CD109: variants seen among roughly 807,000 people sequenced by gnomAD.
CD109 encodes the protein CD109 antigen.
CD109 carries 149 observed loss-of-function variants against 165.8 expected under a neutral mutation model. The ratio of observed to expected loss-of-function variants is 0.90; its 90% confidence interval spans 0.79 to 1.03. The LOEUF (loss-of-function observed/expected upper bound fraction) is 1.03. Ranked by LOEUF, CD109 falls within the 50% of genes least tolerant of loss-of-function variation. CD109 has a pLI of 0.00. For missense variants in CD109, 1,712 were observed against 1,677.8 expected, an observed-to-expected ratio of 1.02 and a Z score of -0.36; for synonymous variants, 585 against 592.1, an observed-to-expected ratio of 0.99 and a Z score of 0.18.
chr6:73,762,953 G>A, intron 9 of CD109, 71 bp downstream of exon 9: 2 of 1,333,612 alleles, frequency 1.5e-6, no homozygotes, highest in South Asian at 3.0e-5. Context: ...TATTATAACT[G>A]GCACTTTCAT....
At chr6:73,817,854 A>G (rs940448295) in intron 30 of CD109, among the ~76,000 whole-genome samples, 7 of 152,330 alleles carry the variant, frequency 4.6e-5, no homozygotes, top group African/African-American at 1.7e-4. Flanking sequence ...ATGTTCTTCA[A>G]GTATATGGGA....
the CD109 span, among the ~76,000 whole-genome samples, chr6:73,684,245 G>A: frequency 6.7e-6 from 1 of 148,198 alleles, no homozygotes; most frequent in Non-Finnish European, 1.5e-5. Context: ...TTTGAGACAG[G>A]GTCTTGCTCT....
Position 73,815,074 on chromosome 6 carries a change from A to G in CD109, c.3862A>G (p.Lys1288Glu), listed in dbSNP as rs756193083. 10 of 1,590,834 alleles carry G rather than the reference A, an allele frequency of 6.3e-6. No homozygotes were observed. The highest frequency in any genetic ancestry group is 7.7e-6 in the Non-Finnish European group (9 of 1,172,438). The change falls in exon 30 of 33, where the codon AAA (lysine) becomes GAA (glutamate). Residue 1288 changes from lysine (K) to glutamate (E), a missense_variant. Coordinates refer to ENST00000287097, the MANE Select transcript of CD109 (RefSeq NM_133493.5). ...AGCCTTTGATTTAGATGTTGCTGTA[A>G]AAGAAAATAAAGATGATCTCAATCA... ...QEAFDLDVAV[K>E]ENKDDLNHVD...
At chr6:73,755,948 G>A (rs961600663) in intron 5 of CD109, among the ~76,000 whole-genome samples, 5 of 152,016 alleles carry the variant, frequency 3.3e-5, no homozygotes, top group Admixed American at 1.3e-4. Context: ...GTGACAAAGT[G>A]AGACCCTGTC....
intron 3 of CD109, among the ~76,000 whole-genome samples, chr6:73,725,791 G>A (rs1482394991): frequency 1.3e-5 from 2 of 152,108 alleles, no homozygotes; most frequent in Admixed American, 6.5e-5. Flanking sequence ...GGGATTACAG[G>A]CGCAAGCCAC....
chr6:73,821,878 A>T (rs1180081760), intron 32 of CD109, among the ~76,000 whole-genome samples: 1 of 152,196 alleles, frequency 6.6e-6, no homozygotes, highest in Non-Finnish European at 1.5e-5. Context: ...GTAAATAAAT[A>T]AGTAACAAAT....
chr6:73,820,840 A>G (rs753087129), intron 32 of CD109, among the ~76,000 whole-genome samples: 1 of 152,202 alleles, frequency 6.6e-6, no homozygotes, highest in Non-Finnish European at 1.5e-5. Flanking sequence ...AAACTTTACA[A>G]AGAAAAATTG....
At chr6:73,744,869 G>T (rs565079924) in intron 5 of CD109, among the ~76,000 whole-genome samples, 1 of 152,274 alleles carries the variant, frequency 6.6e-6, no homozygotes, top group African/African-American at 2.4e-5. Flanking sequence ...GAAATGGAGG[G>T]TCTGAGTATG....
At chr6:73,781,182 G>A in intron 16 of CD109, 77 bp from the exon 17 acceptor site, 2 of 1,208,098 alleles carry the variant, frequency 1.7e-6, no homozygotes, top group South Asian at 2.5e-5. Context: ...TGAGTCAGGA[G>A]TTTGGGAGAC....
intron 4 of CD109, among the ~76,000 whole-genome samples, chr6:73,734,923 A>C (rs1772489919): frequency 6.6e-6 from 1 of 152,242 alleles, no homozygotes; most frequent in Non-Finnish European, 1.5e-5. Context: ...CTTTAACAAA[A>C]ATATGTATTC....
chr6:73,697,675 G>GT (rs1441381861), intron 2 of CD109, 103 bp downstream of exon 2: 1 of 900,642 alleles, frequency 1.1e-6, no homozygotes, highest in East Asian at 2.5e-5. Flanking sequence ...CAAATTTGCA[G>GT]TATCTTACCT....
chr6:73,690,125 G>A, the CD109 span, among the ~76,000 whole-genome samples: 3 of 151,928 alleles, frequency 2.0e-5, no homozygotes, highest in African/African-American at 7.2e-5. Context: ...CAGTTTTCTT[G>A]TATTTCATTA....
At chr6:73,719,829 A>G (rs1183170974) in intron 2 of CD109, among the ~76,000 whole-genome samples, 2 of 152,210 alleles carry the variant, frequency 1.3e-5, no homozygotes, top group African/African-American at 4.8e-5. Context: ...GTCTCTATTT[A>G]TGGTTCCTTT....
rs569989302 is a variant in CD109 at position 73,815,763 on chromosome 6, A to G, written c.3911+640A>G. On this transcript the variant is annotated intron_variant, in intron 30 of 32. Transcript: ENST00000287097. The stretch of plus-strand genomic sequence containing the variant: ...TACCGACTTCACAGTAAGACTGGGA[A>G]GCTGCAGATTTTTGGTCATTCCACT... Among the ~76,000 whole-genome samples, 18 of 152,332 alleles carry G rather than the reference A, an allele frequency of 1.2e-4. No individual in the cohort carries two copies. The South Asian group carries it at 3.7e-3, about 32-fold the overall frequency.
chr6:73,804,396 G>T (rs148907734), intron 24 of CD109, among the ~76,000 whole-genome samples: 2 of 152,246 alleles, frequency 1.3e-5, no homozygotes, highest in East Asian at 3.9e-4. Context: ...TTCTGTAAAG[G>T]GTCAGATTGT....
chr6:73,742,776 G>T (rs1380586727), intron 5 of CD109, among the ~76,000 whole-genome samples: 1 of 152,208 alleles, frequency 6.6e-6, no homozygotes, highest in Admixed American at 6.5e-5. Flanking sequence ...TGAAACATCA[G>T]TGTGCCACAG....
chr6:73,818,052 GA>G (rs199597313), intron 30 of CD109, among the ~76,000 whole-genome samples: 1,664 of 152,176 alleles, frequency 0.011, 93 homozygotes, highest in Admixed American at 0.094. Flanking sequence ...ATTCTGTTTG[GA>G]ATCACCACTA....
intron 5 of CD109, among the ~76,000 whole-genome samples, chr6:73,746,801 G>GT (rs1162822724): frequency 6.6e-6 from 1 of 152,190 alleles, no homozygotes; most frequent in African/African-American, 2.4e-5. Context: ...ATGAGTGACT[G>GT]TCAGGTATAG....
Position 73,785,475 on chromosome 6 carries a change from G to A in CD109, c.2335G>A (p.Glu779Lys), listed in dbSNP as rs776553075. ...TIFNYLKDAT[E>K]VKVIIEKSDK... The stretch of plus-strand genomic sequence containing the variant: ...ATTCAATTATTTGAAAGATGCCACT[G>A]AGGTAATGTATTCAAGCTTTTGTTG... Residue 779 changes from glutamate to lysine, a missense_variant and splice_region_variant, in exon 20 of 33, where the codon GAG (glutamate) becomes AAG (lysine). Transcript: ENST00000287097. The A allele has an allele frequency of 6.7e-7, 1 of 1,499,502 alleles. No homozygotes were observed. Among genetic ancestry groups the A allele is most frequent in the South Asian group, 1.2e-5 (1 of 86,162 alleles). The allele number at this position is 1,499,502 out of a possible 1,614,324, so 92.9% of individuals were successfully genotyped here. A position where few individuals can be genotyped will look rare whatever the true frequency, so the allele number is the denominator to read the frequency against.
Sources: gnomAD v4.1 joint callset for allele counts (sites outside exome capture counted in the v4.1 genomes callset) on GRCh38, gnomAD v4.1.1 for gene constraint, MANE v1.5 for transcripts, NCBI Gene and HGNC (gene_info 2026-07-23, HGNC 2026-07-21) for gene names.